SNTG1: variants seen among roughly 807,000 people sequenced by gnomAD.
SNTG1 encodes the protein syntrophin gamma 1, also known as gamma-1-syntrophin.
Under a neutral mutation model 74.7 loss-of-function variants are expected in SNTG1, and 39 were observed. The ratio of observed to expected loss-of-function variants is 0.52; its 90% CI spans 0.40 to 0.68. The LOEUF (loss-of-function observed/expected upper bound fraction) is 0.68. Ranked by LOEUF, SNTG1 falls within the 30% of genes least tolerant of loss-of-function variation. The probability of loss-of-function intolerance (pLI) is 0.00; values close to 1 mark genes in which losing one functional copy is unlikely to be tolerated. For synonymous variants in SNTG1, 254 were observed against 217.1 expected (o/e 1.17, Z -1.49); for missense variants, 685 against 609.5 (o/e 1.12, Z -1.30).
intron 8 of SNTG1, among the ~76,000 whole-genome samples, chr8:50,451,903 A>T (rs2093461272): frequency 6.6e-6 from 1 of 152,196 alleles, no homozygotes; most frequent in Non-Finnish European, 1.5e-5. Flanking sequence ...AGAGTAGAGG[A>T]TAAATCGTAT....
intron 2 of SNTG1, among the ~76,000 whole-genome samples, chr8:50,268,099 A>C (rs2087573678): frequency 6.6e-6 from 1 of 152,234 alleles, no homozygotes; most frequent in African/African-American, 2.4e-5. Context: ...ATTGATTTGC[A>C]TTTCCATGTA....
At chr8:50,428,639 C>A (rs1356164655) in intron 4 of SNTG1, among the ~76,000 whole-genome samples, 2 of 152,072 alleles carry the variant, frequency 1.3e-5, no homozygotes, top group Admixed American at 6.5e-5. Flanking sequence ...CCTTTTTCAC[C>A]ACTACACCTG....
intron 9 of SNTG1, among the ~76,000 whole-genome samples, chr8:50,509,502 T>A (rs2129888951): frequency 6.6e-6 from 1 of 152,322 alleles, no homozygotes; most frequent in East Asian, 1.9e-4. Flanking sequence ...TAAATTACCT[T>A]GGGCAGTATG....
intron 1 of SNTG1, among the ~76,000 whole-genome samples, chr8:50,126,362 G>C (rs1339488301): frequency 1.3e-5 from 2 of 152,056 alleles, no homozygotes; most frequent in Admixed American, 1.3e-4. Context: ...TACAGGAGAA[G>C]AAATAGGTTT....
At position 50,793,002 on chromosome 8, in the gene SNTG1, G is replaced by A. The variant is rs1167588932; in HGVS notation, c.*173G>A. 1 of 555,094 alleles carries A rather than the reference G, an allele frequency of 1.8e-6. No individual in the cohort carries two copies. Among genetic ancestry groups the A allele is most frequent in the African/African-American group, 1.9e-5 (1 of 51,904 alleles). The allele number at this position is 555,094 out of a possible 1,614,324, so 34.4% of individuals were successfully genotyped here. Reference sequence around the variant, plus strand: ...CCTCAAAAACACTTCTATTCTGGATGACATCTGTGAAATATACTACATGAA... The same window carrying A: ...CCTCAAAAACACTTCTATTCTGGATAACATCTGTGAAATATACTACATGAA... On this transcript the variant is annotated 3_prime_UTR_variant, in exon 19 of 19. Transcript: ENST00000642720.
At chr8:50,610,167 T>C (rs1228887649) in intron 13 of SNTG1, among the ~76,000 whole-genome samples, 1 of 152,228 alleles carries the variant, frequency 6.6e-6, no homozygotes, top group Non-Finnish European at 1.5e-5. Flanking sequence ...CTGTCTCCCT[T>C]GTGGTGTGCA....
Position 49,951,873 on chromosome 8 carries a change from CAAAAA to C in SNTG1, c.-103+39669_-103+39673del, listed in dbSNP as rs5891338. On this transcript the variant is annotated intron_variant, in intron 1 of 18. Coordinates refer to ENST00000642720, the MANE Select transcript of SNTG1 (RefSeq NM_018967.5). ...AACAGAAGGAAATCTGGAAAATTCA[CAAAAA>C]AAAAAAAAAAAAAAAAAAAAAAAAA... 5.1e-3 allele frequency among the ~76,000 whole-genome samples: 285 copies of C among 56,276 alleles called. 1 individual carries two copies. The highest frequency in any genetic ancestry group is 0.015 in the African/African-American group (266 of 17,536). The allele number at this position is 56,276 out of a possible 152,430, so 36.9% of individuals were successfully genotyped here.
intron 13 of SNTG1, among the ~76,000 whole-genome samples, chr8:50,654,477 T>A (rs2095168326): frequency 6.6e-6 from 1 of 152,202 alleles, no homozygotes; most frequent in South Asian, 2.1e-4. Context: ...TTTTGTATCT[T>A]ATATTCATAT....
At chr8:50,500,031 C>T (rs310558) in intron 8 of SNTG1, among the ~76,000 whole-genome samples, 110,018 of 151,782 alleles carry the variant, frequency 0.72, 41,470 homozygotes, top group East Asian at 0.85. Context: ...TGTGTCTTAG[C>T]GTAGATTTAT....
intron 9 of SNTG1, among the ~76,000 whole-genome samples, chr8:50,524,527 A>G (rs2094205013): frequency 6.6e-6 from 1 of 152,144 alleles, no homozygotes; most frequent in South Asian, 2.1e-4. Context: ...TATAAATACA[A>G]CTTGTTATAT....
chr8:50,268,413 AT>A (rs1386191835), intron 2 of SNTG1, among the ~76,000 whole-genome samples: 2 of 152,260 alleles, frequency 1.3e-5, no homozygotes, highest in East Asian at 3.9e-4. Flanking sequence ...AGAAAGACAT[AT>A]TTTTTAAATA....
At chr8:50,227,863 T>C (rs2132038784) in intron 2 of SNTG1, among the ~76,000 whole-genome samples, 1 of 150,040 alleles carries the variant, frequency 6.7e-6, no homozygotes. Flanking sequence ...TATTTCATCT[T>C]TAGTTTATAC....
chr8:50,145,599 T>G (rs945937930), intron 1 of SNTG1, among the ~76,000 whole-genome samples: 4 of 152,150 alleles, frequency 2.6e-5, no homozygotes, highest in Non-Finnish European at 5.9e-5. Context: ...GAAAAAGTCA[T>G]GGCAGTTGGG....
intron 2 of SNTG1, among the ~76,000 whole-genome samples, chr8:50,322,509 A>T (rs2090571920): frequency 6.6e-6 from 1 of 152,046 alleles, no homozygotes; most frequent in Non-Finnish European, 1.5e-5. Flanking sequence ...GTCTTAAGGC[A>T]GTCTTTTTTG....
chr8:50,283,557 A>T, intron 2 of SNTG1, among the ~76,000 whole-genome samples: 1 of 152,178 alleles, frequency 6.6e-6, no homozygotes, highest in East Asian at 1.9e-4. Flanking sequence ...ATTTTATTTT[A>T]TATCCGTCAA....
chr8:50,522,437 A>G (rs1356709426), intron 9 of SNTG1, among the ~76,000 whole-genome samples: 1 of 152,094 alleles, frequency 6.6e-6, no homozygotes, highest in Non-Finnish European at 1.5e-5. Flanking sequence ...GGCAGAGTAG[A>G]TTCACCATAA....
At chr8:50,588,952 T>G (rs896007628) in intron 12 of SNTG1, among the ~76,000 whole-genome samples, 4 of 151,912 alleles carry the variant, frequency 2.6e-5, no homozygotes, top group African/African-American at 9.7e-5. Context: ...ATTATTTACA[T>G]TTTATTCTAG....
At chr8:50,634,621 A>T (rs1200607694) in intron 13 of SNTG1, among the ~76,000 whole-genome samples, 1 of 152,240 alleles carries the variant, frequency 6.6e-6, no homozygotes, top group Non-Finnish European at 1.5e-5. Context: ...ACAATATCAC[A>T]ACAAAGATAT....
chr8:50,278,930 A>T (rs2088275364), intron 2 of SNTG1, among the ~76,000 whole-genome samples: 1 of 152,140 alleles, frequency 6.6e-6, no homozygotes, highest in Non-Finnish European at 1.5e-5. Flanking sequence ...AACATTATCG[A>T]AGTCCTTTGA....
Sources: allele counts gnomAD v4.1 joint callset (sites outside exome capture counted in the v4.1 genomes callset), GRCh38; gene constraint gnomAD v4.1.1; transcripts MANE v1.5; gene names NCBI Gene and HGNC (gene_info 2026-07-23, HGNC 2026-07-21).